The following COMMD10 variants were observed in gnomAD, a reference collection of about 807,000 sequenced individuals.
The protein encoded by COMMD10 is COMM domain-containing protein 10.
In COMMD10, 33 loss-of-function variants were observed where a neutral mutation model predicts 28.9. The observed-to-expected ratio is 1.14, with a 90% CI of 0.87 to 1.53. The LOEUF (loss-of-function observed/expected upper bound fraction) is 1.53, where lower values mean the gene tolerates loss of function less well. COMMD10 is among the 40% of genes most tolerant of loss of function. The probability of loss-of-function intolerance (pLI) is 0.00; values close to 1 mark genes in which losing one functional copy is unlikely to be tolerated. For missense variants in COMMD10, 310 were observed against 233.4 expected, an observed-to-expected ratio of 1.33 and a Z score of -2.14; for synonymous variants, 110 against 81.7, an observed-to-expected ratio of 1.35 and a Z score of -1.87.
At chr5:116,177,934 A>G (rs1747782321) in intron 5 of COMMD10, among the ~76,000 whole-genome samples, 1 of 152,156 alleles carries the variant, frequency 6.6e-6, no homozygotes, top group Non-Finnish European at 1.5e-5. Flanking sequence ...TATCTGAACA[A>G]ATAAACCTGC....
chr5:116,108,463 G>A (rs548478779), intron 4 of COMMD10, among the ~76,000 whole-genome samples: 3 of 152,312 alleles, frequency 2.0e-5, no homozygotes, highest in South Asian at 4.1e-4. Flanking sequence ...TGCCCAGTTC[G>A]AACTCTCTGG....
intron 4 of COMMD10, among the ~76,000 whole-genome samples, chr5:116,124,118 A>G (rs1471699629): frequency 6.6e-6 from 1 of 151,666 alleles, no homozygotes; most frequent in East Asian, 1.9e-4. Flanking sequence ...TAGCTTTTGA[A>G]TTTGTTTGCT....
At chr5:116,107,800 C>T (rs201816711) in intron 4 of COMMD10, among the ~76,000 whole-genome samples, 2 of 152,144 alleles carry the variant, frequency 1.3e-5, no homozygotes, top group Non-Finnish European at 2.9e-5. Flanking sequence ...GTGCTGGTTT[C>T]TCCCTATCTT....
At chr5:116,257,201 G>T (rs1040236529) in intron 5 of COMMD10, among the ~76,000 whole-genome samples, 1 of 135,812 alleles carries the variant, frequency 7.4e-6, no homozygotes, top group African/African-American at 3.4e-5. Flanking sequence ...CATCACATAA[G>T]GCCACTTACG....
chr5:116,104,681 A>G (rs10060732), intron 4 of COMMD10, among the ~76,000 whole-genome samples: 111,703 of 151,346 alleles, frequency 0.74, 41,613 homozygotes, highest in Non-Finnish European at 0.8. Context: ...GTGCAGTGGC[A>G]CGATGTCGGC....
At chr5:116,169,585 C>T (rs552788972) in intron 5 of COMMD10, among the ~76,000 whole-genome samples, 2 of 152,234 alleles carry the variant, frequency 1.3e-5, no homozygotes, top group East Asian at 1.9e-4. Flanking sequence ...ATGTGAAAAT[C>T]CCAATAAAAT....
At chr5:116,114,761 A>C (rs1486052077) in intron 4 of COMMD10, among the ~76,000 whole-genome samples, 5 of 152,164 alleles carry the variant, frequency 3.3e-5, no homozygotes, top group Non-Finnish European at 5.9e-5. Flanking sequence ...TGTCCCTCTC[A>C]TGTCTCAGTC....
chr5:116,122,445 G>A (rs1323775368), intron 4 of COMMD10, among the ~76,000 whole-genome samples: 1 of 152,188 alleles, frequency 6.6e-6, no homozygotes, highest in Non-Finnish European at 1.5e-5. Context: ...TTTTTGCTCA[G>A]GATTGACTTG....
intron 4 of COMMD10, among the ~76,000 whole-genome samples, chr5:116,098,852 C>T (rs147536988): frequency 4.6e-5 from 7 of 152,078 alleles, no homozygotes; most frequent in South Asian, 2.1e-4. Flanking sequence ...AAAAATTATG[C>T]GTATTCAGGG....
intron 5 of COMMD10, among the ~76,000 whole-genome samples, chr5:116,182,426 T>G (rs10058707): frequency 0.31 from 47,476 of 151,646 alleles, 10,301 homozygotes; most frequent in African/African-American, 0.62. Context: ...TGGGTGTCAG[T>G]GAGCTCAGCT....
At chr5:116,181,258 G>C (rs995251746) in intron 5 of COMMD10, among the ~76,000 whole-genome samples, 1 of 151,980 alleles carries the variant, frequency 6.6e-6, no homozygotes. Flanking sequence ...TCTGGAAGTA[G>C]TATGTGAATG....
Position 116,092,642 on chromosome 5 carries a change from C to T in COMMD10, c.341C>T (p.Ser114Phe), listed in dbSNP as rs1750336428. The T allele has an allele frequency of 2.5e-6, 4 of 1,611,824 alleles. No homozygotes were observed. Among genetic ancestry groups the T allele is most frequent in the South Asian group, 1.1e-5 (1 of 90,564 alleles). Residue 114 changes from serine to phenylalanine, a missense_variant, in exon 4 of 7, where the codon TCT (serine) becomes TTT (phenylalanine). By Grantham distance (155) the Ser-to-Phe change is radical. Coordinates refer to ENST00000274458, the MANE Select transcript of COMMD10 (RefSeq NM_016144.4). ...DKAEAFVNTW[S>F]SMGQETVEKF... is the part of the protein sequence containing the mutation. ...GCTGAAGCATTTGTCAATACGTGGT[C>T]TTCTATGGGTCAAGAAACAGTTGAA...
intron 5 of COMMD10, among the ~76,000 whole-genome samples, chr5:116,255,386 C>A (rs1750253360): frequency 6.6e-6 from 1 of 151,734 alleles, no homozygotes; most frequent in Non-Finnish European, 1.5e-5. Context: ...GCAGTTTCTT[C>A]CTAGTCTTGA....
chr5:116,185,242 C>A (rs189674021), intron 5 of COMMD10, among the ~76,000 whole-genome samples: 2,064 of 150,682 alleles, frequency 0.014, 36 homozygotes, highest in Non-Finnish European at 0.017. Flanking sequence ...ACTTTTTTTT[C>A]AGTTTGAACA....
intron 5 of COMMD10, among the ~76,000 whole-genome samples, chr5:116,264,337 G>A (rs1750526727): frequency 6.6e-6 from 1 of 151,798 alleles, no homozygotes; most frequent in Admixed American, 6.6e-5. Context: ...TAATATTTTA[G>A]TTTATTCCCT....
At chr5:116,215,226 A>C (rs188991203) in intron 5 of COMMD10, among the ~76,000 whole-genome samples, 1 of 152,062 alleles carries the variant, frequency 6.6e-6, no homozygotes, top group Non-Finnish European at 1.5e-5. Flanking sequence ...GTGTTATGGA[A>C]TATAAGAAAA....
At chr5:116,217,927 T>G in intron 5 of COMMD10, 1 of 684,566 alleles carries the variant, frequency 1.5e-6, no homozygotes, top group South Asian at 1.6e-5. Flanking sequence ...AAAAAAAAAG[T>G]AAAACAAAAT....
intron 5 of COMMD10, among the ~76,000 whole-genome samples, chr5:116,288,878 T>C (rs1486064486): frequency 0.011 from 1,410 of 130,454 alleles, 40 homozygotes; most frequent in African/African-American, 0.034. Context: ...CTCTCTTTTT[T>C]TTTTTTTTTT....
chr5:116,284,162 C>G (rs1024182437), intron 5 of COMMD10, among the ~76,000 whole-genome samples: 5 of 150,924 alleles, frequency 3.3e-5, no homozygotes, highest in Admixed American at 6.6e-5. Flanking sequence ...GAATGATCAG[C>G]AAATTTAATT....
Sources: allele counts gnomAD v4.1 joint callset (sites outside exome capture counted in the v4.1 genomes callset), GRCh38; gene constraint gnomAD v4.1.1; transcripts MANE v1.5; gene names NCBI Gene and HGNC (gene_info 2026-07-23, HGNC 2026-07-21).